Variants in LAMC3 observed in about 807,000 individuals in gnomAD.
LAMC3 encodes laminin subunit gamma 3.
A neutral mutation model predicts 173.8 loss-of-function variants in LAMC3; 128 were observed. That is an observed-to-expected ratio of 0.74 (90% CI 0.64 to 0.85). The LOEUF is 0.85. Ranked by LOEUF, LAMC3 falls within the 40% of genes least tolerant of loss-of-function variation. The pLI, the probability that LAMC3 is intolerant of heterozygous loss-of-function variation, is 0.00. For synonymous variants in LAMC3, 897 were observed against 909.1 expected (o/e 0.99, Z 0.24); for missense variants, 2,022 against 2,156.0 (o/e 0.94, Z 1.23).
At chr9:131,068,337 C>A in intron 15 of LAMC3, 106 bp downstream of exon 15, 1 of 1,179,890 alleles carries the variant, frequency 8.5e-7, no homozygotes, top group Non-Finnish European at 1.2e-6. Flanking sequence ...TGTCCTAGGC[C>A]CACTGCCAGG....
chr9:131,069,468 C>T (rs1332126290), intron 16 of LAMC3, among the ~76,000 whole-genome samples: 6 of 152,180 alleles, frequency 3.9e-5, no homozygotes, highest in Admixed American at 2.0e-4. Flanking sequence ...CCCGAGGGAA[C>T]ATTGGAATAA....
At position 131,013,345 on chromosome 9, in the gene LAMC3, G is replaced by A. The variant is rs568521385; in HGVS notation, c.373+3758G>A. Reference sequence around the variant, plus strand: ...CGGTGGGCTGGGGGAGTCTCCTCCCGGCTTGCACTTGGATCGCTGAGAATC... The same window carrying A: ...CGGTGGGCTGGGGGAGTCTCCTCCCAGCTTGCACTTGGATCGCTGAGAATC... On this transcript the variant is annotated intron_variant, in intron 1 of 27. Coordinates refer to ENST00000361069, the MANE Select transcript of LAMC3 (RefSeq NM_006059.4). Among the ~76,000 whole-genome samples the A allele has an allele frequency of 1.4e-4, 21 of 152,238 alleles. No individual in the cohort carries two copies. In the East Asian group the frequency reaches 1.5e-3, roughly 11 times the overall value.
chr9:131,016,269 CTG>C, intron 1 of LAMC3, among the ~76,000 whole-genome samples: 1 of 152,106 alleles, frequency 6.6e-6, no homozygotes, highest in South Asian at 2.1e-4. Flanking sequence ...TGGAGAGTGA[CTG>C]TTTCATGGGG....
At chr9:131,066,912 G>C (rs747268190) in intron 13 of LAMC3, 48 bp from the exon 14 acceptor site, 1 of 1,607,386 alleles carries the variant, frequency 6.2e-7, no homozygotes, top group Non-Finnish European at 8.5e-7. Flanking sequence ...CTCATCCCTG[G>C]TGGGTCCAGC....
intron 1 of LAMC3, among the ~76,000 whole-genome samples, chr9:131,011,854 G>T (rs1833419517): frequency 6.6e-6 from 1 of 152,224 alleles, no homozygotes; most frequent in African/African-American, 2.4e-5. Context: ...AACAAGGTGG[G>T]AGGAAGTTGG....
intron 23 of LAMC3, among the ~76,000 whole-genome samples, chr9:131,080,033 C>T (rs1393216583): frequency 6.6e-6 from 1 of 152,178 alleles, no homozygotes; most frequent in Non-Finnish European, 1.5e-5. Context: ...AGTGCAGTGA[C>T]ACAATCTCGG....
chr9:131,071,459 C>G (rs774362515), intron 17 of LAMC3, 25 bp from the exon 18 acceptor site: 1 of 1,592,266 alleles, frequency 6.3e-7, no homozygotes, highest in East Asian at 2.2e-5. Flanking sequence ...CAGCCTCATA[C>G]ACCTTTTCTT....
In LAMC3 at chr9:131,009,558, C is replaced by A. The variant is rs1231709455; in HGVS notation, c.344C>A (p.Pro115His). 3 of 1,570,954 alleles carry A rather than the reference C, an allele frequency of 1.9e-6. No homozygotes were observed. The highest frequency in any genetic ancestry group is 3.7e-5 in the Admixed American group (2 of 54,592). ...TCCATGGCCTTCGGCGTGCAGTACC[C>A]CACCTCGGTCAACATCACCCTCCGC... Reference protein sequence around the residue: ...SPSMAFGVQYPTSVNITLRLG... With the variant: ...SPSMAFGVQYHTSVNITLRLG... The change falls in exon 1 of 28, where the codon CCC becomes CAC. Residue 115 changes from proline to histidine, a missense_variant. Coordinates refer to ENST00000361069, the MANE Select transcript of LAMC3 (RefSeq NM_006059.4). The surrounding 1 kb of genome is among the most constrained non-coding windows in gnomAD (Gnocchi z 4.3).
At chr9:131,063,561 A>G (rs2133303943) in intron 13 of LAMC3, among the ~76,000 whole-genome samples, 1 of 152,248 alleles carries the variant, frequency 6.6e-6, no homozygotes, top group Admixed American at 6.5e-5. Flanking sequence ...GCACACTGAG[A>G]GCTCACCTGG....
chr9:131,072,148 G>GAGGGAGGGAGGA (rs1830047403), intron 18 of LAMC3, among the ~76,000 whole-genome samples: 1 of 141,932 alleles, frequency 7.0e-6, no homozygotes, highest in African/African-American at 2.5e-5. Context: ...AGCAGGGAGG[G>GAGGGAGGGAGGA]AGGGAGGACC....
rs369897487 is a variant in LAMC3, at chr9:131,052,832, G to C, written c.1824-18G>C. The C allele has an allele frequency of 2.0e-6, 3 of 1,504,474 alleles. No individual in the cohort carries two copies. Among genetic ancestry groups the C allele is most frequent in the Non-Finnish European group, 2.8e-6 (3 of 1,085,078 alleles). The allele number at this position is 1,504,474 out of a possible 1,614,324, so 93.2% of individuals were successfully genotyped here. On this transcript the variant is annotated intron_variant, in intron 10 of 27. Coordinates refer to ENST00000361069, the MANE Select transcript of LAMC3 (RefSeq NM_006059.4). ...CCACCCTATGTCGGGATCTCACTTT[G>C]ACCGCTTCTCTCGCCAGCCTGCAGG...
At chr9:131,048,973 C>T (rs1834229179) in intron 8 of LAMC3, 47 bp from the exon 9 acceptor site, 1 of 1,276,942 alleles carries the variant, frequency 7.8e-7, no homozygotes, top group Admixed American at 2.1e-5. Flanking sequence ...GGAGACCACC[C>T]TCCGGGGCCT....
chr9:131,013,134 T>C (rs1564361278), intron 1 of LAMC3, among the ~76,000 whole-genome samples: 1 of 152,218 alleles, frequency 6.6e-6, no homozygotes, highest in African/African-American at 2.4e-5. Context: ...GCTTTGTTCT[T>C]TTACAGACAG....
At chr9:131,051,073 A>G (rs1181819246) in intron 9 of LAMC3, among the ~76,000 whole-genome samples, 8 of 152,210 alleles carry the variant, frequency 5.3e-5, no homozygotes, top group African/African-American at 1.9e-4. Context: ...GCTCTGGGGC[A>G]GAGGGACACA....
At chr9:131,019,909 G>A (rs1038778230) in intron 1 of LAMC3, among the ~76,000 whole-genome samples, 5 of 150,716 alleles carry the variant, frequency 3.3e-5, no homozygotes, top group Admixed American at 6.6e-5. Context: ...CACCGCCCAC[G>A]CCAAACAGCA....
intron 2 of LAMC3, among the ~76,000 whole-genome samples, chr9:131,031,730 A>G (rs1002332665): frequency 6.6e-6 from 1 of 152,188 alleles, no homozygotes; most frequent in Non-Finnish European, 1.5e-5. Context: ...CACAGCCAGC[A>G]CTGATACTTG....
chr9:131,080,066 G>T (rs774154034), intron 23 of LAMC3, among the ~76,000 whole-genome samples: 1 of 152,022 alleles, frequency 6.6e-6, no homozygotes, highest in Non-Finnish European at 1.5e-5. Context: ...TCCATTTCCC[G>T]GGTTCAAGTG....
At position 131,085,578 on chromosome 9, in the gene LAMC3, C is replaced by A. The variant is rs377715586; in HGVS notation, c.4085C>A (p.Ala1362Glu). The part of the protein sequence containing the change: ...PKDQAALQRK[A>E]DSVSDRLLAD... The stretch of plus-strand genomic sequence containing the variant: ...GACCAGGCGGCATTGCAGAGGAAGG[C>A]AGACTCCGTCAGTGACAGACTCCTT... The change falls in exon 25 of 28, where the codon GCA (alanine) becomes GAA (glutamate). Residue 1362 changes from alanine (A) to glutamate (E), a missense_variant. Physicochemically the swap from Ala to Glu is moderately radical, Grantham distance 107 (BLOSUM62 -1). Coordinates refer to ENST00000361069, the MANE Select transcript of LAMC3 (RefSeq NM_006059.4). 6 of 1,613,998 alleles carry A rather than the reference C, an allele frequency of 3.7e-6. No individual in the cohort carries two copies. The African/African-American group carries it at 8.0e-5, about 22-fold the overall frequency.
chr9:131,021,280 T>C (rs1034519300), intron 1 of LAMC3: 1 of 152,228 alleles, frequency 6.6e-6, no homozygotes, highest in Admixed American at 6.5e-5. Context: ...AGACAGTAAC[T>C]GCTCTGGGGC....
Sources: gnomAD v4.1 joint callset for allele counts (sites outside exome capture counted in the v4.1 genomes callset) on GRCh38, gnomAD v4.1.1 for gene constraint, Gnocchi (gnomAD v3.1) non-coding constraint, MANE v1.5 for transcripts, NCBI Gene and HGNC (gene_info 2026-07-23, HGNC 2026-07-21) for gene names.